The following RTN1 variants were observed in gnomAD, a reference collection of about 807,000 sequenced individuals.
The protein encoded by RTN1 is reticulon-1.
In RTN1, 25 loss-of-function variants were observed where a neutral mutation model predicts 65.5. That is an observed-to-expected ratio of 0.38 (90% CI 0.28 to 0.53). The LOEUF (loss-of-function observed/expected upper bound fraction) is 0.53. RTN1 is among the 20% of genes least tolerant of loss of function. RTN1 has a pLI of 0.79. For synonymous variants in RTN1, 471 were observed against 447.6 expected (o/e 1.05, Z -0.66); for missense variants, 983 against 1,025.4 (o/e 0.96, Z 0.57).
At chr14:59,634,078 G>A (rs1450616515) in intron 3 of RTN1, among the ~76,000 whole-genome samples, 1 of 152,152 alleles carries the variant, frequency 6.6e-6, no homozygotes, top group Non-Finnish European at 1.5e-5. Flanking sequence ...TTCATTTGTA[G>A]ACAAGTGTAT....
chr14:59,810,087 T>C (rs913826973), intron 1 of RTN1, among the ~76,000 whole-genome samples: 5 of 152,192 alleles, frequency 3.3e-5, no homozygotes, highest in East Asian at 1.9e-4. Flanking sequence ...TGCAATTCCA[T>C]ATATCTTATG....
rs549897631 is a variant in RTN1, at chr14:59,861,899, G to A, written c.241+8491C>T. ...CCCTGCTCTCACCGTATTATAGCTC[G>A]TCAATGTCTCTCAAAACATGGCACC... is the stretch of plus-strand genomic sequence containing the variant. On this transcript the variant is annotated intron_variant, in intron 1 of 8. Transcript: ENST00000267484. 2.8e-4 allele frequency among the ~76,000 whole-genome samples: 43 copies of A among 152,174 alleles called. No individual in the cohort carries two copies. The South Asian group carries it at 3.1e-3, about 11-fold the overall frequency.
chr14:59,638,580 T>C (rs1214387263), intron 3 of RTN1, among the ~76,000 whole-genome samples: 2 of 152,228 alleles, frequency 1.3e-5, no homozygotes, highest in Non-Finnish European at 2.9e-5. Flanking sequence ...TGCTGTAGCT[T>C]CTCCATTAGC....
intron 1 of RTN1, among the ~76,000 whole-genome samples, chr14:59,850,464 C>T (rs1308772165): frequency 6.6e-6 from 1 of 152,220 alleles, no homozygotes; most frequent in Non-Finnish European, 1.5e-5. Flanking sequence ...ACAGGTTCTA[C>T]TGAATGCATA....
intron 1 of RTN1, among the ~76,000 whole-genome samples, chr14:59,802,419 T>C (rs1437136133): frequency 6.6e-6 from 1 of 152,220 alleles, no homozygotes; most frequent in Non-Finnish European, 1.5e-5. Flanking sequence ...TTTGTATCAT[T>C]AAACAGTGGG....
chr14:59,675,687 A>G (rs757642100), intron 3 of RTN1, among the ~76,000 whole-genome samples: 2 of 151,966 alleles, frequency 1.3e-5, no homozygotes, highest in Non-Finnish European at 2.9e-5. Context: ...TAACTTGTCT[A>G]AAGTCACATC....
intron 3 of RTN1, among the ~76,000 whole-genome samples, chr14:59,638,137 C>A (rs560797837): frequency 1.4e-5 from 2 of 145,652 alleles, no homozygotes; most frequent in Admixed American, 1.4e-4. Flanking sequence ...CAGGCATGAG[C>A]CACTGCGCCC....
intron 1 of RTN1, among the ~76,000 whole-genome samples, chr14:59,805,340 T>C (rs1018264956): frequency 2.6e-5 from 4 of 152,228 alleles, no homozygotes; most frequent in African/African-American, 4.8e-5. Context: ...TGCTCTACCA[T>C]TGAATTCTGA....
At chr14:59,649,494 T>A (rs949779344) in intron 3 of RTN1, among the ~76,000 whole-genome samples, 3 of 152,054 alleles carry the variant, frequency 2.0e-5, no homozygotes, top group African/African-American at 7.2e-5. Context: ...GGAGAAAATT[T>A]TTGCAATGTA....
At chr14:59,722,418 G>A (rs974828078) in intron 3 of RTN1, among the ~76,000 whole-genome samples, 4 of 152,144 alleles carry the variant, frequency 2.6e-5, no homozygotes, top group Admixed American at 2.6e-4. Flanking sequence ...TAGGCAGGAG[G>A]AAGAAAGACA....
chr14:59,791,877 C>T (rs568641333), intron 1 of RTN1, among the ~76,000 whole-genome samples: 3 of 152,218 alleles, frequency 2.0e-5, no homozygotes, highest in South Asian at 4.1e-4. Context: ...TCTGATGAGA[C>T]ACCGAGGGCA....
At position 59,607,415 on chromosome 14, in the gene RTN1, G is replaced by T; in HGVS notation, c.1843C>A (p.Leu615Met). 5 of 1,613,912 alleles carry T rather than the reference G, an allele frequency of 3.1e-6. No homozygotes were observed. Among genetic ancestry groups the T allele is most frequent in the African/African-American group, 1.3e-5 (1 of 75,066 alleles). ...ACGCTCACCACGCTGAACTGGGTCA[G>T]GGAGAAGAGCAGCAGCAGGAAACTC... ...FGSFLLLLFS[L>M]TQFSVVSVVA... The change falls in exon 4 of 9, where the codon CTG becomes ATG. Residue 615 changes from leucine to methionine, a missense_variant. Physicochemically the swap from Leu to Met is conservative, Grantham distance 15. Transcript: ENST00000267484.
intron 3 of RTN1, among the ~76,000 whole-genome samples, chr14:59,614,015 T>C (rs957579927): frequency 7.9e-5 from 12 of 152,094 alleles, no homozygotes; most frequent in African/African-American, 2.9e-4. Context: ...ACTTAATTCT[T>C]TGCACACTTG....
chr14:59,611,478 T>C (rs1414648080), intron 3 of RTN1, among the ~76,000 whole-genome samples: 7 of 152,106 alleles, frequency 4.6e-5, no homozygotes, highest in East Asian at 1.9e-4. Flanking sequence ...TGTAGCCCCA[T>C]TGCAGGGTGT....
chr14:59,810,380 G>A (rs749487624), intron 1 of RTN1, among the ~76,000 whole-genome samples: 4 of 152,118 alleles, frequency 2.6e-5, no homozygotes, highest in Non-Finnish European at 4.4e-5. Flanking sequence ...TATTATTTGG[G>A]GGTTAAGACA....
chr14:59,645,614 A>T (rs1401968281), intron 3 of RTN1, among the ~76,000 whole-genome samples: 1 of 152,024 alleles, frequency 6.6e-6, no homozygotes, highest in Non-Finnish European at 1.5e-5. Flanking sequence ...TTGCTGTCTC[A>T]CAGCCCTCAC....
intron 3 of RTN1, among the ~76,000 whole-genome samples, chr14:59,613,071 T>A (rs1213441696): frequency 6.6e-6 from 1 of 152,246 alleles, no homozygotes; most frequent in Non-Finnish European, 1.5e-5. Context: ...GAATTTTCCT[T>A]TCTTTGAACT....
intron 3 of RTN1, among the ~76,000 whole-genome samples, chr14:59,635,722 T>C (rs1194449602): frequency 6.6e-6 from 1 of 151,854 alleles, no homozygotes; most frequent in Admixed American, 6.6e-5. Context: ...ACAATAGAAA[T>C]TAGGAAAGGG....
chr14:59,784,268 G>A (rs895112524), intron 1 of RTN1, among the ~76,000 whole-genome samples: 2 of 151,488 alleles, frequency 1.3e-5, no homozygotes, highest in Admixed American at 6.6e-5. Flanking sequence ...GAGAAACCTC[G>A]TCTCTACTAA....
Sources: allele counts gnomAD v4.1 joint callset (sites outside exome capture counted in the v4.1 genomes callset), GRCh38; gene constraint gnomAD v4.1.1; transcripts MANE v1.5; gene names NCBI Gene and HGNC (gene_info 2026-07-23, HGNC 2026-07-21).